VTI1A: variants seen among roughly 807,000 people sequenced by gnomAD.
VTI1A encodes vesicle transport through interaction with t-SNAREs homolog 1A.
A neutral mutation model predicts 34.9 loss-of-function variants in VTI1A; 22 were observed. The observed-to-expected ratio is 0.63, with a 90% CI of 0.45 to 0.90. The LOEUF is 0.90. Among genes scored for constraint, VTI1A ranks in the 40% least tolerant of loss-of-function variants. The pLI is 0.00. For synonymous variants in VTI1A, 87 were observed against 97.3 expected (o/e 0.89, Z 0.62); for missense variants, 268 against 275.6 (o/e 0.97, Z 0.20).
At chr10:112,591,100 CA>C (rs968174692) in intron 5 of VTI1A, among the ~76,000 whole-genome samples, 3 of 151,482 alleles carry the variant, frequency 2.0e-5, no homozygotes, top group African/African-American at 7.3e-5. Flanking sequence ...GACTCTGTCT[CA>C]AAAAAAAGAG....
At chr10:112,455,177 TCCCCTC>T (rs1847406199) in intron 1 of VTI1A, among the ~76,000 whole-genome samples, 1 of 602 alleles carries the variant, frequency 1.7e-3, no homozygotes. Context: ...CCTCCTCCCC[TCCCCTC>T]CTCCCCTCAC....
chr10:112,491,982 C>G (rs562055261), intron 3 of VTI1A, among the ~76,000 whole-genome samples: 40 of 152,284 alleles, frequency 2.6e-4, no homozygotes, highest in African/African-American at 9.4e-4. Context: ...GATCCCCTGC[C>G]AGAGATTTTA....
intron 7 of VTI1A, among the ~76,000 whole-genome samples, chr10:112,780,319 A>AATAAATAC (rs1250725860): frequency 4.0e-5 from 6 of 150,190 alleles, no homozygotes; most frequent in African/African-American, 1.2e-4. Flanking sequence ...TAAATAAATA[A>AATAAATAC]ATAAAATAAT....
chr10:112,452,566 C>CAAAA (rs57884472), intron 1 of VTI1A, among the ~76,000 whole-genome samples: 2 of 134,742 alleles, frequency 1.5e-5, no homozygotes, highest in Non-Finnish European at 3.1e-5. Context: ...GACTCTGTCT[C>CAAAA]AAAAAAAAAA....
intron 4 of VTI1A, among the ~76,000 whole-genome samples, chr10:112,531,605 T>C (rs918144699): frequency 6.6e-6 from 1 of 152,206 alleles, no homozygotes; most frequent in Non-Finnish European, 1.5e-5. Context: ...GTTTTTTGTT[T>C]GGAACCTATT....
At chr10:112,521,732 C>T in intron 3 of VTI1A, among the ~76,000 whole-genome samples, 1 of 151,978 alleles carries the variant, frequency 6.6e-6, no homozygotes, top group East Asian at 1.9e-4. Flanking sequence ...TTTTCTTTAC[C>T]TTTACCTAAG....
At chr10:112,828,581 A>G in the VTI1A span, among the ~76,000 whole-genome samples, 4 of 151,474 alleles carry the variant, frequency 2.6e-5, no homozygotes, top group South Asian at 4.2e-4. Context: ...AATTTTTTGT[A>G]TTTTTAGTAG....
chr10:112,815,435 A>C lies in VTI1A; in HGVS notation c.*52A>C. On this transcript the variant is annotated 3_prime_UTR_variant, in exon 8 of 8. Transcript: ENST00000393077. ...CAACAACAGCTTGTTCTGAGTAATTAAGACAAAATGGTCACATGAATCATT... is the reference window on the plus strand; with the variant it reads ...CAACAACAGCTTGTTCTGAGTAATTCAGACAAAATGGTCACATGAATCATT... The C allele has an allele frequency of 6.7e-7, 1 of 1,486,850 alleles. No individual in the cohort carries two copies. The highest frequency in any genetic ancestry group is 9.4e-7 in the Non-Finnish European group (1 of 1,064,568). The allele number at this position is 1,486,850 out of a possible 1,614,324, so 92.1% of individuals were successfully genotyped here.
At chr10:112,455,635 C>T (rs1159394813) in intron 1 of VTI1A, among the ~76,000 whole-genome samples, 1 of 126,654 alleles carries the variant, frequency 7.9e-6, no homozygotes, top group Admixed American at 8.0e-5. Flanking sequence ...TCCTTTGTTC[C>T]TTCCCTCCTT....
At chr10:112,669,359 T>G (rs1485523203) in intron 7 of VTI1A, among the ~76,000 whole-genome samples, 3 of 152,214 alleles carry the variant, frequency 2.0e-5, no homozygotes, top group Admixed American at 1.3e-4. Flanking sequence ...CCTACCATTT[T>G]CAGGAGCACA....
At chr10:112,574,142 A>G (rs925184046) in intron 5 of VTI1A, among the ~76,000 whole-genome samples, 1 of 152,218 alleles carries the variant, frequency 6.6e-6, no homozygotes, top group African/African-American at 2.4e-5. Context: ...AAAAACAAGC[A>G]AAGTTTTAAA....
chr10:112,774,376 C>T (rs1564920390), intron 7 of VTI1A, among the ~76,000 whole-genome samples: 1 of 152,156 alleles, frequency 6.6e-6, no homozygotes, highest in Non-Finnish European at 1.5e-5. Context: ...CCTGGGCCTG[C>T]CTCTGCCATT....
chr10:112,571,337 A>G (rs749053156), intron 5 of VTI1A, among the ~76,000 whole-genome samples: 4 of 152,202 alleles, frequency 2.6e-5, no homozygotes, highest in Non-Finnish European at 5.9e-5. Flanking sequence ...TCGTTCCTCT[A>G]TAGGAGACAA....
chr10:112,589,839 T>C (rs1050681480), intron 5 of VTI1A, among the ~76,000 whole-genome samples: 1 of 152,182 alleles, frequency 6.6e-6, no homozygotes, highest in African/African-American at 2.4e-5. Context: ...GAGGAAATTA[T>C]TACTGCATGC....
At chr10:112,769,990 T>C (rs1448276952) in intron 7 of VTI1A, among the ~76,000 whole-genome samples, 2 of 152,084 alleles carry the variant, frequency 1.3e-5, no homozygotes, top group South Asian at 2.1e-4. Context: ...TCATATCTTT[T>C]GGAGTTTCCA....
intron 5 of VTI1A, among the ~76,000 whole-genome samples, chr10:112,568,559 A>C (rs73365097): frequency 0.013 from 1,970 of 152,258 alleles, 48 homozygotes; most frequent in African/African-American, 0.046. Context: ...GCAGCTGTAC[A>C]TAGCCATGCT....
intron 5 of VTI1A, among the ~76,000 whole-genome samples, chr10:112,640,458 A>G (rs1361835352): frequency 6.6e-6 from 1 of 151,768 alleles, no homozygotes; most frequent in Non-Finnish European, 1.5e-5. Flanking sequence ...CCTCTCATGG[A>G]GGAAGAGTGG....
At chr10:112,804,939 C>T (rs957572962) in intron 7 of VTI1A, among the ~76,000 whole-genome samples, 1 of 143,324 alleles carries the variant, frequency 7.0e-6, no homozygotes, top group African/African-American at 2.6e-5. Context: ...CAGGTCACTG[C>T]AGCCTTGAAC....
chr10:112,716,692 G>A (rs1849624086), intron 7 of VTI1A, among the ~76,000 whole-genome samples: 1 of 152,128 alleles, frequency 6.6e-6, no homozygotes, highest in Non-Finnish European at 1.5e-5. Context: ...GCCCCAATAT[G>A]ATGCTCAAAA....
Sources: gnomAD v4.1 joint callset for allele counts (sites outside exome capture counted in the v4.1 genomes callset) on GRCh38, gnomAD v4.1.1 for gene constraint, MANE v1.5 for transcripts, NCBI Gene and HGNC (gene_info 2026-07-23, HGNC 2026-07-21) for gene names.